Variants in SOX5 observed in about 807,000 individuals in gnomAD.
SOX5 encodes the protein SRY-box transcription factor 5.
A neutral mutation model predicts 92.0 loss-of-function variants in SOX5; 9 were observed. The observed-to-expected ratio is 0.10, with a 90% CI of 0.06 to 0.17. SOX5 has a LOEUF of 0.17. Among genes scored for constraint, SOX5 ranks in the 10% least tolerant of loss-of-function variants. The probability of loss-of-function intolerance (pLI) is 1.00; values close to 1 mark genes in which losing one functional copy is unlikely to be tolerated. For synonymous variants in SOX5, 344 were observed against 336.3 expected (o/e 1.02, Z -0.25); for missense variants, 642 against 944.5 (o/e 0.68, Z 4.20).
intron 1 of SOX5, among the ~76,000 whole-genome samples, chr12:24,397,699 CAGGA>C (rs1282113717): frequency 1.3e-5 from 2 of 151,814 alleles, no homozygotes; most frequent in East Asian, 3.9e-4. Context: ...TTTAAAATGT[CAGGA>C]AGGGTCCCAA....
chr12:23,805,833 CTT>C (rs1184350799), intron 3 of SOX5, among the ~76,000 whole-genome samples: 1 of 152,144 alleles, frequency 6.6e-6, no homozygotes, highest in East Asian at 1.9e-4. Flanking sequence ...ATTTTACAAA[CTT>C]CAGCTTTAAT....
intron 2 of SOX5, among the ~76,000 whole-genome samples, chr12:23,873,005 C>A (rs1175693989): frequency 6.6e-6 from 1 of 152,180 alleles, no homozygotes; most frequent in East Asian, 1.9e-4. Context: ...ACTCTATAAA[C>A]CTACAAAATA....
intron 2 of SOX5, among the ~76,000 whole-genome samples, chr12:24,330,834 A>G (rs896761944): frequency 1.4e-4 from 22 of 152,236 alleles, no homozygotes; most frequent in Non-Finnish European, 1.5e-5. Context: ...GAGTAAAAGC[A>G]TTTTCTAAAT....
chr12:24,024,273 CTG>C (rs1376043976), intron 4 of SOX5, among the ~76,000 whole-genome samples: 7 of 152,124 alleles, frequency 4.6e-5, no homozygotes, highest in Non-Finnish European at 1.0e-4. Context: ...TAAAGGTCTA[CTG>C]TGTTTTAACT....
At chr12:23,988,153 C>G (rs561590138) in intron 4 of SOX5, among the ~76,000 whole-genome samples, 49 of 152,250 alleles carry the variant, frequency 3.2e-4, no homozygotes, top group African/African-American at 1.1e-3. Context: ...TTCAGGAGAT[C>G]ATGCTATTTA....
intron 3 of SOX5, among the ~76,000 whole-genome samples, chr12:23,832,191 T>C (rs934421936): frequency 3.3e-5 from 5 of 152,118 alleles, no homozygotes; most frequent in Non-Finnish European, 7.4e-5. Flanking sequence ...CTGCCCCTCC[T>C]GGTTTCACAC....
chr12:24,257,076 G>A (rs1667316608), intron 3 of SOX5, among the ~76,000 whole-genome samples: 1 of 152,186 alleles, frequency 6.6e-6, no homozygotes, highest in Non-Finnish European at 1.5e-5. Context: ...ACAGGTTTGG[G>A]TGGCCTGCTT....
At chr12:24,484,350 G>A (rs1946303942) in intron 1 of SOX5, among the ~76,000 whole-genome samples, 1 of 152,120 alleles carries the variant, frequency 6.6e-6, no homozygotes, top group African/African-American at 2.4e-5. Flanking sequence ...GCATTTTCCT[G>A]AATTAAAAAT....
chr12:24,272,782 T>C (rs1355708027), intron 3 of SOX5, among the ~76,000 whole-genome samples: 1 of 152,232 alleles, frequency 6.6e-6, no homozygotes, highest in African/African-American at 2.4e-5. Flanking sequence ...GCTAATATTC[T>C]GTTGAGGATA....
intron 1 of SOX5, among the ~76,000 whole-genome samples, chr12:23,908,139 A>G (rs2097312971): frequency 6.6e-6 from 1 of 152,152 alleles, no homozygotes; most frequent in African/African-American, 2.4e-5. Flanking sequence ...TAATTTATTT[A>G]GGATCTAATA....
At chr12:23,615,729 A>G (rs960187848) in intron 8 of SOX5, among the ~76,000 whole-genome samples, 2 of 152,132 alleles carry the variant, frequency 1.3e-5, no homozygotes, top group African/African-American at 4.8e-5. Context: ...TATGCACCAC[A>G]TTTATCCAAT....
chr12:24,301,210 T>C (rs1305968539), intron 2 of SOX5, among the ~76,000 whole-genome samples: 1 of 152,204 alleles, frequency 6.6e-6, no homozygotes, highest in Non-Finnish European at 1.5e-5. Flanking sequence ...ATAGTAGTTA[T>C]TGAAAGTGTT....
At chr12:23,670,965 G>A (rs1252601764) in intron 6 of SOX5, among the ~76,000 whole-genome samples, 1 of 152,076 alleles carries the variant, frequency 6.6e-6, no homozygotes, top group South Asian at 2.1e-4. Context: ...AGCATTCAGG[G>A]GAAGAGAAGC....
At chr12:24,311,691 C>G (rs1949189839) in intron 2 of SOX5, among the ~76,000 whole-genome samples, 1 of 152,170 alleles carries the variant, frequency 6.6e-6, no homozygotes, top group Non-Finnish European at 1.5e-5. Context: ...GATCAACATT[C>G]ATGTTTATTG....
chr12:23,899,279 T>C (rs1215132530), intron 1 of SOX5, among the ~76,000 whole-genome samples: 1 of 151,988 alleles, frequency 6.6e-6, no homozygotes, highest in Non-Finnish European at 1.5e-5. Context: ...TGCATGCCTG[T>C]AATCTCAGCT....
At chr12:23,659,623 T>G (rs905179841) in intron 7 of SOX5, among the ~76,000 whole-genome samples, 2 of 152,222 alleles carry the variant, frequency 1.3e-5, no homozygotes, top group African/African-American at 4.8e-5. Context: ...AAAACTCATA[T>G]GATGTTTCTC....
intron 3 of SOX5, among the ~76,000 whole-genome samples, chr12:24,222,823 G>GAAACAATACCAT (rs1960816602): frequency 6.6e-6 from 1 of 152,132 alleles, no homozygotes; most frequent in Admixed American, 6.5e-5. Context: ...ATCTAATTGT[G>GAAACAATACCAT]GGATTTCAAA....
At chr12:24,297,390 C>A (rs143104409) in intron 2 of SOX5, among the ~76,000 whole-genome samples, 40 of 152,290 alleles carry the variant, frequency 2.6e-4, no homozygotes, top group Middle Eastern at 6.8e-3. Flanking sequence ...CTGTTCTCTT[C>A]TTTCTCCACA....
chr12:23,556,983 G>A (rs1476190030), intron 11 of SOX5, among the ~76,000 whole-genome samples: 1 of 152,142 alleles, frequency 6.6e-6, no homozygotes, highest in East Asian at 1.9e-4. Context: ...TACACTTACT[G>A]CCATTTGTAA....
Sources: allele counts gnomAD v4.1 joint callset (sites outside exome capture counted in the v4.1 genomes callset), GRCh38; gene constraint gnomAD v4.1.1; transcripts MANE v1.5; gene names NCBI Gene and HGNC (gene_info 2026-07-23, HGNC 2026-07-21).